The following WDR97 variants were observed in gnomAD, a reference collection of about 807,000 sequenced individuals.
The protein encoded by WDR97 is WD repeat-containing protein 97.
A neutral mutation model predicts 65.4 loss-of-function variants in WDR97; 111 were observed. The ratio of observed to expected loss-of-function variants is 1.70; its 90% confidence interval spans 1.45 to 1.99. The LOEUF (loss-of-function observed/expected upper bound fraction) is 1.99. WDR97 is among the 30% of genes most tolerant of loss of function. The pLI is 0.00. For synonymous variants in WDR97, 802 were observed against 397.7 expected (o/e 2.02, Z -12.10); for missense variants, 1,674 against 865.0 (o/e 1.94, Z -11.73).
At position 144,112,126 on chromosome 8, in the gene WDR97, G is replaced by A. The variant is rs911885042; in HGVS notation, c.2877G>A (p.Val959=). The A allele has an allele frequency of 4.3e-6, 3 of 702,064 alleles. No individual in the cohort carries two copies. The highest frequency in any genetic ancestry group is 5.4e-5 in the East Asian group (2 of 37,264). 43.5% of individuals were successfully genotyped at this position (702,064 alleles called of 1,614,324 possible). The change falls in exon 13 of 24, where the codon GTG becomes GTA. Residue 959 remains valine, a synonymous_variant. Coordinates refer to ENST00000323662, the MANE Select transcript of WDR97 (RefSeq NM_001316309.2). ...CGATCCCACCCACCCACCGTAGGGTGCACAGCAAGGCATCCCAGGTGAGGC... is the reference window on the plus strand; with the variant it reads ...CGATCCCACCCACCCACCGTAGGGTACACAGCAAGGCATCCCAGGTGAGGC... ...TVPIPPTHRR[V]HSKASQLLAR...
In WDR97 at chr8:144,108,758, G is replaced by T; in HGVS notation, c.692G>T (p.Arg231Leu). The T allele has an allele frequency of 1.4e-6, 1 of 701,568 alleles. No homozygotes were observed. Among genetic ancestry groups the T allele is most frequent in the Non-Finnish European group, 2.6e-6 (1 of 384,626 alleles). 43.5% of individuals were successfully genotyped at this position (701,568 alleles called of 1,614,324 possible). A position where few individuals can be genotyped will look rare whatever the true frequency, so the allele number is the denominator to read the frequency against. ...ALWQFRSGGR[R>L]LVLRGSALHP... ...TGGCAGTTCCGTTCAGGTGGTCGCC[G>T]CCTGGTGCTGCGAGGGTCAGCACTG... Residue 231 changes from arginine to leucine, a missense_variant, in exon 3 of 24, where the codon CGC (arginine) becomes CTC (leucine). Physicochemically the swap from Arg to Leu is moderately radical, Grantham distance 102. Coordinates refer to ENST00000323662, the MANE Select transcript of WDR97 (RefSeq NM_001316309.2).
rs756568519 is a variant in WDR97, at chr8:144,108,132, GCGCGCC to G, written c.196_201del (p.Ala66_Arg67del). 1.3e-5 allele frequency: 9 copies of G among 702,562 alleles called. No homozygotes were observed. Among genetic ancestry groups the G allele is most frequent in the East Asian group, 2.7e-5 (1 of 37,284 alleles). 43.5% of individuals were successfully genotyped at this position (702,562 alleles called of 1,614,324 possible). ...GCCAACAGTGGCAAAGCCTGACCCC[GCGCGCC>G]CGCGCCCGCCGGCTGTGGCTGCTTC... On this transcript the variant is annotated inframe_deletion, in exon 2 of 24. Coordinates refer to ENST00000323662, the MANE Select transcript of WDR97 (RefSeq NM_001316309.2).
Position 144,116,439 on chromosome 8 carries a change from C to A in WDR97, c.*146C>A, listed in dbSNP as rs143524035. ...CCCCGGGGTGCGCACGGCGTGTGGG[C>A]GTGCGGCCTGAACCCACAGTGGCGG... On this transcript the variant is annotated 3_prime_UTR_variant, in exon 24 of 24. Coordinates refer to ENST00000323662, the MANE Select transcript of WDR97 (RefSeq NM_001316309.2). The A allele has an allele frequency of 5.7e-3, 3,014 of 525,696 alleles. 9 individuals carry two copies. The highest frequency in any genetic ancestry group is 9.0e-3 in the Middle Eastern group (24 of 2,680). 32.6% of individuals were successfully genotyped at this position (525,696 alleles called of 1,614,324 possible).
Position 144,114,668 on chromosome 8 carries a change from C to T in WDR97, c.3907C>T (p.His1303Tyr), listed in dbSNP as rs1836616162. 1 of 702,700 alleles carries T rather than the reference C, an allele frequency of 1.4e-6. No individual in the cohort carries two copies. The highest frequency in any genetic ancestry group is 1.7e-5 in the African/African-American group (1 of 57,280). The allele number at this position is 702,700 out of a possible 1,614,324, so 43.5% of individuals were successfully genotyped here. A position where few individuals can be genotyped will look rare whatever the true frequency, so the allele number is the denominator to read the frequency against. Reference sequence around the variant, plus strand: ...GTCCTACTTCCTCTACTCTCCCGTGCACTGCCGGTGAGTTGCGCTCCTGCC... The same window carrying T: ...GTCCTACTTCCTCTACTCTCCCGTGTACTGCCGGTGAGTTGCGCTCCTGCC... ...LMSYFLYSPV[H>Y]CRPELKKLLH... The change falls in exon 20 of 24, where the codon CAC (histidine) becomes TAC (tyrosine). Residue 1303 changes from histidine to tyrosine, a missense_variant. Physicochemically the swap from His to Tyr is moderately conservative, Grantham distance 83 (BLOSUM62 2). Coordinates refer to ENST00000323662, the MANE Select transcript of WDR97 (RefSeq NM_001316309.2).
chr8:144,111,510 G>A (rs1218135037), intron 11 of WDR97, 24 bp downstream of exon 11: 27 of 701,078 alleles, frequency 3.9e-5, no homozygotes, highest in Admixed American at 2.2e-4. Context: ...TCCTTAGCCC[G>A]CCCTGCCCCG....
Position 144,115,550 on chromosome 8 carries a change from G to C in WDR97, c.4287G>C (p.Gly1429=), listed in dbSNP as rs1482229000. 4.3e-6 allele frequency: 3 copies of C among 696,994 alleles called. No homozygotes were observed. In the African/African-American group the frequency reaches 5.2e-5, roughly 12 times the overall value. 43.2% of individuals were successfully genotyped at this position (696,994 alleles called of 1,614,324 possible). The change falls in exon 22 of 24, where the codon GGG becomes GGC. Residue 1429 remains glycine, a synonymous_variant. Transcript: ENST00000323662. ...TGCTGGCACCCAAGCGCAGCTGGGG[G>C]ACCCCTCAGCTCCGTCTCAGAGTGC... is the stretch of plus-strand genomic sequence containing the variant. ...QRMLAPKRSW[G]TPQLRLRVLS...
rs1477023883 is a variant in WDR97 at position 144,115,796 on chromosome 8, G to A, written c.4533G>A (p.Pro1511=). Residue 1511 remains proline (P), a synonymous_variant, in exon 22 of 24, where the codon CCG becomes CCA. Transcript: ENST00000323662. ...AGGAGAAGGCTGCGCACCCACACCC[G>A]CCAGAGCCCTACACGGTGGCGCCGG... is the stretch of plus-strand genomic sequence containing the variant. ...SLQEKAAHPH[P]PEPYTVAPVP... 1 of 694,914 alleles carries A rather than the reference G, an allele frequency of 1.4e-6. No homozygotes were observed. The highest frequency in any genetic ancestry group is 1.5e-5 in the South Asian group (1 of 66,568). The allele number at this position is 694,914 out of a possible 1,614,324, so 43.0% of individuals were successfully genotyped here.
chr8:144,108,969 G>T (rs752526856), intron 3 of WDR97, 25 bp downstream of exon 3: 1 of 702,922 alleles, frequency 1.4e-6, no homozygotes, highest in South Asian at 1.5e-5. Context: ...CCTAGGGAGG[G>T]CCAGGCATGT....
In WDR97 at chr8:144,110,151, T is replaced by C. The variant is rs1836516294; in HGVS notation, c.1738T>C (p.Ser580Pro). ...PVVGHTDGTL[S>P]VLEWLSSKTV... ...GGTGGGGCACACGGACGGCACGCTGTCGGTGCTGGAGTGGCTCTCGTCGAA... is the reference window on the plus strand; with the variant it reads ...GGTGGGGCACACGGACGGCACGCTGCCGGTGCTGGAGTGGCTCTCGTCGAA... Residue 580 changes from serine (S) to proline (P), a missense_variant, in exon 6 of 24, where the codon TCG (serine) becomes CCG (proline). By Grantham distance (74) the Ser-to-Pro change is moderately conservative. Coordinates refer to ENST00000323662, the MANE Select transcript of WDR97 (RefSeq NM_001316309.2). 1 of 702,810 alleles carries C rather than the reference T, an allele frequency of 1.4e-6. No homozygotes were observed. The highest frequency in any genetic ancestry group is 2.7e-5 in the East Asian group (1 of 37,276). 43.5% of individuals were successfully genotyped at this position (702,810 alleles called of 1,614,324 possible). A position where few individuals can be genotyped will look rare whatever the true frequency, so the allele number is the denominator to read the frequency against.
At position 144,107,779 on chromosome 8, in the gene WDR97, G is replaced by A. The variant is rs1160152274; in HGVS notation, c.29G>A (p.Gly10Asp). Residue 10 changes from glycine to aspartate, a missense_variant, in exon 1 of 24, where the codon GGC (glycine) becomes GAC (aspartate). By Grantham distance (94) the Gly-to-Asp change is moderately conservative (BLOSUM62 -1). Coordinates refer to ENST00000323662, the MANE Select transcript of WDR97 (RefSeq NM_001316309.2). MEAEVWEAE[G>D]YNLVLDSDLY... is the part of the protein sequence containing the mutation. ...GAGGCAGAGGTGTGGGAGGCAGAAG[G>A]CTACAACCTAGTTCTGGACTCGGAC... 1.4e-6 allele frequency: 1 copy of A among 702,728 alleles called. No homozygotes were observed. Among genetic ancestry groups the A allele is most frequent in the African/African-American group, 1.7e-5 (1 of 57,274 alleles). The allele number at this position is 702,728 out of a possible 1,614,324, so 43.5% of individuals were successfully genotyped here.
rs1836615758 is a variant in WDR97 at position 144,114,658 on chromosome 8, C to T, written c.3897C>T (p.Tyr1299=). The T allele has an allele frequency of 2.8e-6, 2 of 702,740 alleles. No individual in the cohort carries two copies. Among genetic ancestry groups the T allele is most frequent in the South Asian group, 3.0e-5 (2 of 67,606 alleles). The allele number at this position is 702,740 out of a possible 1,614,324, so 43.5% of individuals were successfully genotyped here. ...TGGAGCTCATGTCCTACTTCCTCTACTCTCCCGTGCACTGCCGGTGAGTTG... is the reference window on the plus strand; with the variant it reads ...TGGAGCTCATGTCCTACTTCCTCTATTCTCCCGTGCACTGCCGGTGAGTTG... ...VVLELMSYFL[Y]SPVHCRPELK... Residue 1299 remains tyrosine, a synonymous_variant, in exon 20 of 24, where the codon TAC becomes TAT. Coordinates refer to ENST00000323662, the MANE Select transcript of WDR97 (RefSeq NM_001316309.2).
At position 144,114,177 on chromosome 8, in the gene WDR97, G is replaced by C; in HGVS notation, c.3594+15G>C. ...TCAGCCTGCAGGTTGGAGGGAACTGGGGATGCATGAGAAGCATGGGTTAGG... is the reference window on the plus strand; with the variant it reads ...TCAGCCTGCAGGTTGGAGGGAACTGCGGATGCATGAGAAGCATGGGTTAGG... On this transcript the variant is annotated intron_variant, in intron 18 of 23. Transcript: ENST00000323662. The C allele has an allele frequency of 1.4e-6, 1 of 701,684 alleles. No homozygotes were observed. The highest frequency in any genetic ancestry group is 2.6e-6 in the Non-Finnish European group (1 of 384,100). 43.5% of individuals were successfully genotyped at this position (701,684 alleles called of 1,614,324 possible).
At position 144,110,873 on chromosome 8, in the gene WDR97, G is replaced by C; in HGVS notation, c.2181G>C (p.Gln727His). 2.8e-6 allele frequency: 2 copies of C among 702,926 alleles called. No individual in the cohort carries two copies. Among genetic ancestry groups the C allele is most frequent in the Non-Finnish European group, 5.2e-6 (2 of 384,984 alleles). The allele number at this position is 702,926 out of a possible 1,614,324, so 43.5% of individuals were successfully genotyped here. A position where few individuals can be genotyped will look rare whatever the true frequency, so the allele number is the denominator to read the frequency against. Residue 727 changes from glutamine to histidine, a missense_variant, in exon 9 of 24, where the codon CAG (glutamine) becomes CAC (histidine). Coordinates refer to ENST00000323662, the MANE Select transcript of WDR97 (RefSeq NM_001316309.2). ...TAENRLLRLL[Q>H]LNGAPQALAF... ...CTGGGTGCCTCTCCAGGCTCCTGCA[G>C]CTGAATGGTGCCCCTCAGGCCCTGG...
chr8:144,108,326 C>G lies in WDR97; in HGVS notation c.260C>G (p.Ala87Gly). 4.3e-6 allele frequency: 3 copies of G among 693,364 alleles called. No individual in the cohort carries two copies. The highest frequency in any genetic ancestry group is 7.8e-6 in the Non-Finnish European group (3 of 382,282). 43.0% of individuals were successfully genotyped at this position (693,364 alleles called of 1,614,324 possible). A position where few individuals can be genotyped will look rare whatever the true frequency, so the allele number is the denominator to read the frequency against. Residue 87 changes from alanine to glycine, a missense_variant, in exon 3 of 24, where the codon GCC becomes GGC. By Grantham distance (60) the Ala-to-Gly change is moderately conservative. Coordinates refer to ENST00000323662, the MANE Select transcript of WDR97 (RefSeq NM_001316309.2). ...CACCCCGGCCCACAGGAGAAGAGAGCCGAGCTGCGCGCGGCGCGCCTGACG... is the reference window on the plus strand; with the variant it reads ...CACCCCGGCCCACAGGAGAAGAGAGGCGAGCTGCGCGCGGCGCGCCTGACG... Reference protein sequence around the residue: ...LHEVVEKEKRAELRAARLTHG... With the variant: ...LHEVVEKEKRGELRAARLTHG...
rs1305908155 is a variant in WDR97 at position 144,115,603 on chromosome 8, T to C, written c.4340T>C (p.Leu1447Pro). The C allele has an allele frequency of 1.5e-6, 1 of 684,682 alleles. No individual in the cohort carries two copies. Among genetic ancestry groups the C allele is most frequent in the East Asian group, 2.7e-5 (1 of 36,890 alleles). The allele number at this position is 684,682 out of a possible 1,614,324, so 42.4% of individuals were successfully genotyped here. A position where few individuals can be genotyped will look rare whatever the true frequency, so the allele number is the denominator to read the frequency against. Residue 1447 changes from leucine to proline, a missense_variant, in exon 22 of 24, where the codon CTG becomes CCG. Transcript: ENST00000323662. ...TCCGAGACGCTGAAGAGCTTCTGCC[T>C]GGAGCCCGAGGCCCGCCTGCACCCT... Reference protein sequence around the residue: ...VLSETLKSFCLEPEARLHPAG... With the variant: ...VLSETLKSFCPEPEARLHPAG...
chr8:144,109,874 G>T lies in WDR97; in HGVS notation c.1540G>T (p.Val514Leu). Residue 514 changes from valine to leucine, a missense_variant, in exon 5 of 24, where the codon GTG becomes TTG. Val to Leu is a conservative substitution (Grantham distance 32). Coordinates refer to ENST00000323662, the MANE Select transcript of WDR97 (RefSeq NM_001316309.2). ...ARCPMSVLHRVCPPPPPAPQP... is the reference protein window; with the variant it reads ...ARCPMSVLHRLCPPPPPAPQP... ...CTGCCCCATGAGCGTGCTGCACCGC[G>T]TGTGCCCGCCGCCGCCCCCTGCGCC... 1.4e-6 allele frequency: 1 copy of T among 700,846 alleles called. No individual in the cohort carries two copies. Among genetic ancestry groups the T allele is most frequent in the South Asian group, 1.5e-5 (1 of 67,510 alleles). 43.4% of individuals were successfully genotyped at this position (700,846 alleles called of 1,614,324 possible). A position where few individuals can be genotyped will look rare whatever the true frequency, so the allele number is the denominator to read the frequency against.
chr8:144,109,566 T>G lies in WDR97; in HGVS notation c.1232T>G (p.Val411Gly). Residue 411 changes from valine to glycine, a missense_variant, in exon 5 of 24, where the codon GTA (valine) becomes GGA (glycine). Physicochemically the swap from Val to Gly is moderately radical, Grantham distance 109. Transcript: ENST00000323662. ...GCGAGCAGCATGCAGCTGTGGCGCGTACGCGAGCTCTACTCGCCGTTGGCG... is the reference window on the plus strand; with the variant it reads ...GCGAGCAGCATGCAGCTGTGGCGCGGACGCGAGCTCTACTCGCCGTTGGCG... ...LCASSMQLWRVRELYSPLAQL... is the reference protein window; with the variant it reads ...LCASSMQLWRGRELYSPLAQL... 1.4e-6 allele frequency: 1 copy of G among 695,452 alleles called. No homozygotes were observed. The highest frequency in any genetic ancestry group is 1.5e-5 in the South Asian group (1 of 67,194). The allele number at this position is 695,452 out of a possible 1,614,324, so 43.1% of individuals were successfully genotyped here.
rs1836667236 is a variant in WDR97, at chr8:144,116,318, T to G, written c.*25T>G. The G allele has an allele frequency of 1.7e-6, 1 of 597,980 alleles. No individual in the cohort carries two copies. Among genetic ancestry groups the G allele is most frequent in the Non-Finnish European group, 3.0e-6 (1 of 332,812 alleles). The allele number at this position is 597,980 out of a possible 1,614,324, so 37.0% of individuals were successfully genotyped here. On this transcript the variant is annotated 3_prime_UTR_variant, in exon 24 of 24. Transcript: ENST00000323662. ...ACCGGACTGGTGGCCTCAGCCCGCC[T>G]GGCTCTGGGGCCTGTCATTGGTATT... is the stretch of plus-strand genomic sequence containing the variant.
Position 144,114,570 on chromosome 8 carries a change from A to T in WDR97, c.3809A>T (p.Lys1270Met). The change falls in exon 20 of 24, where the codon AAG becomes ATG. Residue 1270 changes from lysine (K) to methionine (M), a missense_variant. Transcript: ENST00000323662. ...CTGCCTCAGGACCAGACACAGAAGA[A>T]GTTCGTGATACTGGCGCTGCAGCTG... ...PPSLQDQTQKKFVILALQLLL... is the reference protein window; with the variant it reads ...PPSLQDQTQKMFVILALQLLL... 1.4e-6 allele frequency: 1 copy of T among 702,862 alleles called. No homozygotes were observed. Among genetic ancestry groups the T allele is most frequent in the Non-Finnish European group, 2.6e-6 (1 of 384,988 alleles). 43.5% of individuals were successfully genotyped at this position (702,862 alleles called of 1,614,324 possible).
Sources: allele counts gnomAD v4.1 joint callset, GRCh38; gene constraint gnomAD v4.1.1; transcripts MANE v1.5; gene names NCBI Gene and HGNC (gene_info 2026-07-23, HGNC 2026-07-21).